ZSCAN25: variants seen among roughly 807,000 people sequenced by gnomAD.
ZSCAN25 encodes the protein zinc finger and SCAN domain-containing protein 25.
ZSCAN25 carries 27 observed loss-of-function variants against 38.7 expected under a neutral mutation model. The ratio of observed to expected loss-of-function variants is 0.70; its 90% CI spans 0.51 to 0.96. The LOEUF (loss-of-function observed/expected upper bound fraction) is 0.96. ZSCAN25 is among the 40% of genes least tolerant of loss of function. The pLI is 0.00. For synonymous variants in ZSCAN25, 273 were observed against 277.7 expected (o/e 0.98, Z 0.17); for missense variants, 637 against 705.9 (o/e 0.90, Z 1.11).
the ZSCAN25 span, among the ~76,000 whole-genome samples, chr7:99,642,035 C>T: frequency 4.5e-4 from 69 of 152,322 alleles, no homozygotes; most frequent in African/African-American, 1.6e-3. Flanking sequence ...ATGCCAGGCA[C>T]GCTCCCAGTT....
chr7:99,619,888 G>T lies in ZSCAN25; in HGVS notation c.282G>T (p.Leu94=), dbSNP rs142601774. 373 of 1,614,250 alleles carry T rather than the reference G, an allele frequency of 2.3e-4. 3 individuals carry two copies. In the South Asian group the frequency reaches 2.9e-3, roughly 12 times the overall value. ...LLVLEQFLTI[L]PREFYAWIRE... The stretch of plus-strand genomic sequence containing the variant: ...TGCTGGAGCAGTTCCTCACTATCCT[G>T]CCCCGCGAGTTCTACGCCTGGATCC... The change falls in exon 4 of 8, where the codon CTG becomes CTT. Residue 94 remains leucine (L), a synonymous_variant. Transcript: ENST00000394152.
chr7:99,737,610 AT>A, the ZSCAN25 span, among the ~76,000 whole-genome samples: 1 of 152,000 alleles, frequency 6.6e-6, no homozygotes, highest in Non-Finnish European at 1.5e-5. Context: ...AGCCTTTCTT[AT>A]TTTTTTAGAA....
chr7:99,647,945 A>G, the ZSCAN25 span: 348 of 984,310 alleles, frequency 3.5e-4, 4 homozygotes, highest in South Asian at 0.015. Flanking sequence ...AGTCATCATG[A>G]TAATTCTTAT....
At chr7:99,682,807 G>T in the ZSCAN25 span, among the ~76,000 whole-genome samples, 1 of 152,000 alleles carries the variant, frequency 6.6e-6, no homozygotes, top group Non-Finnish European at 1.5e-5. Flanking sequence ...CTTCATCAGT[G>T]TTTTACAATA....
chr7:99,671,684 G>T, the ZSCAN25 span: 1 of 616,090 alleles, frequency 1.6e-6, no homozygotes, highest in South Asian at 2.0e-5. Context: ...AGGATTTTCA[G>T]ACTTAACACC....
the ZSCAN25 span, among the ~76,000 whole-genome samples, chr7:99,699,582 C>T: frequency 1.8e-3 from 275 of 152,234 alleles, 1 homozygote; most frequent in African/African-American, 6.4e-3. Context: ...CTCCCTCCTG[C>T]CCCCAGAATC....
At chr7:99,632,670 G>A (rs1327021549), downstream of ZSCAN25, among the ~76,000 whole-genome samples, 2 of 152,086 alleles carry the variant, frequency 1.3e-5, no homozygotes, top group Non-Finnish European at 2.9e-5. Flanking sequence ...GCATGCCTGT[G>A]GTCCCAGCTA....
the ZSCAN25 span, among the ~76,000 whole-genome samples, chr7:99,638,084 G>A: frequency 6.6e-6 from 1 of 152,160 alleles, no homozygotes. Context: ...ACGGGAAACA[G>A]AAGACCCCCA....
chr7:99,622,572 C>T lies in ZSCAN25; in HGVS notation c.613C>T (p.Pro205Ser), dbSNP rs928050797. 1.9e-6 allele frequency: 3 copies of T among 1,614,124 alleles called. No homozygotes were observed. The highest frequency in any genetic ancestry group is 2.5e-6 in the Non-Finnish European group (3 of 1,180,008). The change falls in exon 6 of 8, where the codon CCT becomes TCT. Residue 205 changes from proline (P) to serine (S), a missense_variant. Physicochemically the swap from Pro to Ser is moderately conservative, Grantham distance 74 (BLOSUM62 -1). Coordinates refer to ENST00000394152, the MANE Select transcript of ZSCAN25 (RefSeq NM_145115.3). ...EQALPVLQAGPGLPAVNPRDQ... is the reference protein window; with the variant it reads ...EQALPVLQAGSGLPAVNPRDQ... ...AGCACTACCTGTTCTGCAGGCGGGT[C>T]CTGGCCTCCCCGCAGTGAATCCCAG...
the ZSCAN25 span, among the ~76,000 whole-genome samples, chr7:99,701,637 C>T: frequency 1.3e-5 from 2 of 152,172 alleles, no homozygotes; most frequent in African/African-American, 2.4e-5. Flanking sequence ...GGATTAAAAC[C>T]ATTTTAGCTG....
In ZSCAN25 at chr7:99,630,979, A is replaced by G. The variant is rs527547094; in HGVS notation, c.*959A>G. 9 of 944,606 alleles carry G rather than the reference A, an allele frequency of 9.5e-6. No homozygotes were observed. In the South Asian group the frequency reaches 1.5e-4, roughly 15 times the overall value. The allele number at this position is 944,606 out of a possible 1,614,324, so 58.5% of individuals were successfully genotyped here. On this transcript the variant is annotated 3_prime_UTR_variant, in exon 8 of 8. Coordinates refer to ENST00000394152, the MANE Select transcript of ZSCAN25 (RefSeq NM_145115.3). The stretch of plus-strand genomic sequence containing the variant: ...ATTAATTTCACCCCATTCTCATTGG[A>G]CCCATTTCCCAAGTATTTATTGAGG...
intron 7 of ZSCAN25, among the ~76,000 whole-genome samples, chr7:99,626,103 C>A (rs897160679): frequency 7.9e-5 from 12 of 152,196 alleles, no homozygotes; most frequent in African/African-American, 2.9e-4. Flanking sequence ...GAGGTGCAGA[C>A]CTTGTTGTCT....
the ZSCAN25 span, chr7:99,638,829 G>T: frequency 4.3e-6 from 3 of 692,364 alleles, no homozygotes; most frequent in East Asian, 7.7e-5. Context: ...CAACAACGCC[G>T]CCGCCGCTGC....
the ZSCAN25 span, chr7:99,695,852 T>A: frequency 0.87 from 1,397,238 of 1,611,546 alleles, 618,399 homozygotes; most frequent in Non-Finnish European, 0.92. Context: ...ACAAACTGAA[T>A]CAGAAATCAG....
At chr7:99,727,108 C>A in the ZSCAN25 span, among the ~76,000 whole-genome samples, 2 of 152,200 alleles carry the variant, frequency 1.3e-5, no homozygotes, top group Non-Finnish European at 2.9e-5. Flanking sequence ...TTGAAGACAG[C>A]TCTAGAGGCT....
chr7:99,686,146 C>A, the ZSCAN25 span, among the ~76,000 whole-genome samples: 1 of 152,302 alleles, frequency 6.6e-6, no homozygotes, highest in South Asian at 2.1e-4. Context: ...TAGGGAGTGC[C>A]AGACAGTGGG....
downstream of ZSCAN25, among the ~76,000 whole-genome samples, chr7:99,637,139 T>G (rs1322724023): frequency 6.6e-6 from 1 of 152,230 alleles, no homozygotes; most frequent in East Asian, 1.9e-4. Flanking sequence ...GCTTAATCAG[T>G]TGCTATAATG....
At chr7:99,666,908 T>C in the ZSCAN25 span, 1 of 1,607,792 alleles carries the variant, frequency 6.2e-7, no homozygotes, top group South Asian at 1.1e-5. Flanking sequence ...TGTCCCCAGA[T>C]TCATTCTTTA....
intron 1 of ZSCAN25, among the ~76,000 whole-genome samples, chr7:99,617,889 A>C (rs762191042): frequency 6.6e-6 from 1 of 152,248 alleles, no homozygotes; most frequent in Admixed American, 6.5e-5. Flanking sequence ...ATGGGTAAAC[A>C]TTTGCACTGT....
Sources: gnomAD v4.1 joint callset for allele counts (sites outside exome capture counted in the v4.1 genomes callset) on GRCh38, gnomAD v4.1.1 for gene constraint, MANE v1.5 for transcripts, NCBI Gene and HGNC (gene_info 2026-07-23, HGNC 2026-07-21) for gene names.